AOPEP: variants seen among roughly 807,000 people sequenced by gnomAD.
AOPEP encodes aminopeptidase O (putative), also known as aminopeptidase O.
A neutral mutation model predicts 98.1 loss-of-function variants in AOPEP; 77 were observed. The observed-to-expected ratio is 0.78, with a 90% CI of 0.65 to 0.95. The LOEUF is 0.95. Among genes scored for constraint, AOPEP ranks in the 40% least tolerant of loss-of-function variants. AOPEP has a pLI of 0.00. For synonymous variants in AOPEP, 346 were observed against 365.3 expected, an observed-to-expected ratio of 0.95 and a Z score of 0.60; for missense variants, 1,024 against 1,024.7, an observed-to-expected ratio of 1.00 and a Z score of 0.01.
chr9:94,996,439 A>T (rs1214722488), intron 11 of AOPEP, among the ~76,000 whole-genome samples: 1 of 151,358 alleles, frequency 6.6e-6, no homozygotes, highest in Non-Finnish European at 1.5e-5. Flanking sequence ...AATCAGGCCC[A>T]TTCCTCTTGT....
chr9:95,131,048 A>G, the AOPEP span, among the ~76,000 whole-genome samples: 5 of 152,212 alleles, frequency 3.3e-5, no homozygotes, highest in African/African-American at 9.7e-5. Flanking sequence ...TTGAGCTCGG[A>G]AAAATTATTC....
intron 5 of AOPEP, among the ~76,000 whole-genome samples, chr9:94,860,451 T>G (rs1345985224): frequency 6.6e-6 from 1 of 152,114 alleles, no homozygotes; most frequent in African/African-American, 2.4e-5. Flanking sequence ...ACAAGATTGC[T>G]CAGGTTTCTG....
intron 1 of AOPEP, among the ~76,000 whole-genome samples, chr9:94,734,132 T>A (rs2131750097): frequency 6.6e-6 from 1 of 152,334 alleles, no homozygotes; most frequent in African/African-American, 2.4e-5. Context: ...ATTTTGCCTC[T>A]AGATACAGTG....
chr9:95,082,019 C>T (rs762827831), intron 15 of AOPEP, among the ~76,000 whole-genome samples: 3 of 151,938 alleles, frequency 2.0e-5, no homozygotes, highest in South Asian at 2.1e-4. Flanking sequence ...AGAGCCGGTG[C>T]GGGCTACGGT....
intron 5 of AOPEP, among the ~76,000 whole-genome samples, chr9:94,872,373 G>A (rs72748522): frequency 2.9e-3 from 437 of 152,140 alleles, no homozygotes; most frequent in Admixed American, 6.7e-3. Context: ...GCCTTACATC[G>A]CTACTCAGAG....
intron 7 of AOPEP, among the ~76,000 whole-genome samples, chr9:94,943,791 G>T (rs1189759614): frequency 6.7e-6 from 1 of 150,294 alleles, no homozygotes; most frequent in East Asian, 2.0e-4. Flanking sequence ...GTGGTGGCAC[G>T]CACCTGTAAT....
chr9:95,048,103 A>C (rs1445334543), intron 13 of AOPEP, among the ~76,000 whole-genome samples: 1 of 152,094 alleles, frequency 6.6e-6, no homozygotes, highest in Non-Finnish European at 1.5e-5. Context: ...CAAACTTAAA[A>C]ATTTATTTAT....
At chr9:94,986,402 GAC>G (rs1244875405) in intron 11 of AOPEP, among the ~76,000 whole-genome samples, 1 of 152,162 alleles carries the variant, frequency 6.6e-6, no homozygotes, top group Non-Finnish European at 1.5e-5. Context: ...AATTTGGTGG[GAC>G]ACAATTTAGC....
intron 7 of AOPEP, among the ~76,000 whole-genome samples, chr9:94,929,287 T>C (rs72750306): frequency 0.074 from 11,288 of 152,240 alleles, 1,243 homozygotes; most frequent in African/African-American, 0.24. Flanking sequence ...TCTCCTCGCC[T>C]GTTCTTAGAT....
chr9:94,946,918 A>G (rs1161394301), intron 7 of AOPEP, among the ~76,000 whole-genome samples: 1 of 151,930 alleles, frequency 6.6e-6, no homozygotes. Flanking sequence ...AGGAAGGACA[A>G]GTGTTCATCC....
At chr9:94,826,305 C>T (rs1010063226) in intron 5 of AOPEP, among the ~76,000 whole-genome samples, 42 of 152,308 alleles carry the variant, frequency 2.8e-4, no homozygotes, top group African/African-American at 9.9e-4. Flanking sequence ...GACCAACCAT[C>T]GTGAGGCCAT....
At chr9:94,902,873 T>C (rs1322078007) in intron 5 of AOPEP, among the ~76,000 whole-genome samples, 1 of 151,848 alleles carries the variant, frequency 6.6e-6, no homozygotes, top group Admixed American at 6.6e-5. Flanking sequence ...CTGATCAACA[T>C]GGAGAAACCC....
At chr9:94,758,943 G>A (rs1248169859) in intron 1 of AOPEP, among the ~76,000 whole-genome samples, 1 of 150,688 alleles carries the variant, frequency 6.6e-6, no homozygotes, top group Non-Finnish European at 1.5e-5. Context: ...CAAGTGAGAA[G>A]ACCTTTTGTT....
At chr9:94,877,584 C>G (rs2047108452) in intron 5 of AOPEP, among the ~76,000 whole-genome samples, 1 of 152,022 alleles carries the variant, frequency 6.6e-6, no homozygotes, top group South Asian at 2.1e-4. Flanking sequence ...CCATACCTGG[C>G]TAACTTTTGT....
intron 14 of AOPEP, among the ~76,000 whole-genome samples, chr9:95,069,295 G>A (rs543502498): frequency 6.6e-6 from 1 of 152,284 alleles, no homozygotes; most frequent in East Asian, 1.9e-4. Flanking sequence ...TGAGGGAAGG[G>A]GACGAGTGTC....
At chr9:94,994,036 C>G (rs1341430230) in intron 11 of AOPEP, among the ~76,000 whole-genome samples, 1 of 152,162 alleles carries the variant, frequency 6.6e-6, no homozygotes, top group African/African-American at 2.4e-5. Flanking sequence ...CTTCTTCTCC[C>G]GAGCCACGCA....
intron 2 of AOPEP, among the ~76,000 whole-genome samples, chr9:94,769,036 A>G (rs2132719505): frequency 6.6e-6 from 1 of 152,332 alleles, no homozygotes; most frequent in East Asian, 1.9e-4. Flanking sequence ...AGGGGAAGGC[A>G]TGGATGGGTA....
At chr9:94,957,685 G>T (rs943704581) in intron 9 of AOPEP, among the ~76,000 whole-genome samples, 22 of 152,120 alleles carry the variant, frequency 1.4e-4, no homozygotes, top group African/African-American at 5.3e-4. Context: ...AAACCCAGAA[G>T]AAATCATTAG....
At chr9:94,912,964 G>A (rs778324057) in intron 5 of AOPEP, among the ~76,000 whole-genome samples, 2 of 152,240 alleles carry the variant, frequency 1.3e-5, no homozygotes, top group Non-Finnish European at 2.9e-5. Flanking sequence ...CCTCTCCAGT[G>A]TGTGCCAGTG....
Sources: gnomAD v4.1 joint callset for allele counts (sites outside exome capture counted in the v4.1 genomes callset) on GRCh38, gnomAD v4.1.1 for gene constraint, MANE v1.5 for transcripts, NCBI Gene and HGNC (gene_info 2026-07-23, HGNC 2026-07-21) for gene names.